Variants in LRP6 observed in about 807,000 individuals in gnomAD.
LRP6 encodes LDL receptor related protein 6.
LRP6 carries 43 observed loss-of-function variants against 184.1 expected under a neutral mutation model. The observed-to-expected ratio is 0.23, with a 90% CI of 0.18 to 0.30. The LOEUF (loss-of-function observed/expected upper bound fraction) is 0.30. Among genes scored for constraint, LRP6 ranks in the 10% least tolerant of loss-of-function variants. The pLI, the probability that LRP6 is intolerant of heterozygous loss-of-function variation, is 1.00. For missense variants in LRP6, 1,571 were observed against 2,005.3 expected (o/e 0.78, Z 4.14); for synonymous variants, 719 against 684.9 (o/e 1.05, Z -0.78).
chr12:12,146,555 A>G (rs1184851294), intron 15 of LRP6, among the ~76,000 whole-genome samples: 1 of 152,256 alleles, frequency 6.6e-6, no homozygotes, highest in Non-Finnish European at 1.5e-5. Flanking sequence ...CTTAAGACGA[A>G]CAAATAATTT....
At chr12:12,246,271 G>A (rs946966921) in intron 1 of LRP6, among the ~76,000 whole-genome samples, 9 of 151,948 alleles carry the variant, frequency 5.9e-5, no homozygotes, top group African/African-American at 1.9e-4. Context: ...CTCCCAAAGT[G>A]CTTGGGATTA....
At chr12:12,140,046 A>G (rs183872400) in intron 15 of LRP6, among the ~76,000 whole-genome samples, 4 of 152,314 alleles carry the variant, frequency 2.6e-5, no homozygotes, top group Admixed American at 2.6e-4. Context: ...TGTTCTCAGT[A>G]TTTTTAAGCC....
chr12:12,164,733 T>C (rs898404902), intron 8 of LRP6, among the ~76,000 whole-genome samples, 171 bp from the exon 9 acceptor site: 3 of 151,940 alleles, frequency 2.0e-5, no homozygotes, highest in African/African-American at 4.8e-5. Context: ...TGCAGATTAA[T>C]AGGGAGTAAA....
chr12:12,121,560 G>C lies in LRP6; in HGVS notation c.4548-140C>G. On this transcript the variant is annotated intron_variant, in intron 22 of 22. Transcript: ENST00000261349. The stretch of plus-strand genomic sequence containing the variant: ...AATTTAAATTTACACAGACCAAGAG[G>C]CAATTTTCAATGGCAGATTCGCTGA... 3.9e-6 allele frequency: 3 copies of C among 769,682 alleles called. No homozygotes were observed. The Admixed American group carries it at 7.8e-5, about 20-fold the overall frequency. The allele number at this position is 769,682 out of a possible 1,614,324, so 47.7% of individuals were successfully genotyped here. A position where few individuals can be genotyped will look rare whatever the true frequency, so the allele number is the denominator to read the frequency against.
rs1229618237 is a variant in LRP6, at chr12:12,147,472, A to G, written c.3291T>C (p.Phe1097=). The G allele has an allele frequency of 6.2e-7, 1 of 1,613,958 alleles. No homozygotes were observed. The highest frequency in any genetic ancestry group is 8.5e-7 in the Non-Finnish European group (1 of 1,180,018). The change falls in exon 15 of 23, where the codon TTT becomes TTC. Residue 1097 remains phenylalanine (F), a synonymous_variant. Coordinates refer to ENST00000261349, the MANE Select transcript of LRP6 (RefSeq NM_002336.3). ...ALDGTEREVL[F]FSGLSKPIAL... ...CAATTGGTTTACTTAAGCCACTGAAAAAGAGGACCTCCCGTTCTGTCCCAT... is the reference window on the plus strand; with the variant it reads ...CAATTGGTTTACTTAAGCCACTGAAGAAGAGGACCTCCCGTTCTGTCCCAT...
intron 12 of LRP6, among the ~76,000 whole-genome samples, chr12:12,156,349 C>G (rs1233988937): frequency 6.6e-6 from 1 of 152,078 alleles, no homozygotes; most frequent in Non-Finnish European, 1.5e-5. Flanking sequence ...CTGAAACCAG[C>G]AACGAGGCCA....
At chr12:12,223,675 A>T (rs1464661181) in intron 2 of LRP6, among the ~76,000 whole-genome samples, 1 of 152,214 alleles carries the variant, frequency 6.6e-6, no homozygotes, top group African/African-American at 2.4e-5. Context: ...TAATGGGTAT[A>T]AATTCCAAGG....
chr12:12,176,843 C>CTT (rs71435897), intron 7 of LRP6, among the ~76,000 whole-genome samples: 9 of 103,104 alleles, frequency 8.7e-5, no homozygotes, highest in East Asian at 2.8e-4. Context: ...TGAGCCCAAA[C>CTT]TTTTTTTTTT....
At position 12,267,013 on chromosome 12, in the gene LRP6, A is replaced by T; in HGVS notation, c.-278T>A. 2 of 492,676 alleles carry T rather than the reference A, an allele frequency of 4.1e-6. No homozygotes were observed. The highest frequency in any genetic ancestry group is 2.5e-5 in the South Asian group (1 of 39,392). 30.5% of individuals were successfully genotyped at this position (492,676 alleles called of 1,614,324 possible). Reference sequence around the variant, plus strand: ...GCTTCCCCCGCGCAGCTCCTCATTCAGCCTCTGCCTCGCGCAGCGGCGCAG... The same window carrying T: ...GCTTCCCCCGCGCAGCTCCTCATTCTGCCTCTGCCTCGCGCAGCGGCGCAG... On this transcript the variant is annotated 5_prime_UTR_variant, in exon 1 of 23. Coordinates refer to ENST00000261349, the MANE Select transcript of LRP6 (RefSeq NM_002336.3).
At chr12:12,214,100 G>T (rs2137065956) in intron 2 of LRP6, among the ~76,000 whole-genome samples, 1 of 152,030 alleles carries the variant, frequency 6.6e-6, no homozygotes, top group South Asian at 2.1e-4. Flanking sequence ...TAAACTCCCT[G>T]CTAATACCTA....
chr12:12,157,268 A>T (rs759618533), intron 12 of LRP6, among the ~76,000 whole-genome samples: 6 of 151,892 alleles, frequency 4.0e-5, no homozygotes, highest in Non-Finnish European at 8.8e-5. Flanking sequence ...ACTCATTAAC[A>T]ACTTCTGCTT....
At chr12:12,127,542 A>T (rs111306530) in intron 19 of LRP6, among the ~76,000 whole-genome samples, 2 of 152,188 alleles carry the variant, frequency 1.3e-5, no homozygotes, top group Non-Finnish European at 2.9e-5. Flanking sequence ...AAGGAACATA[A>T]GGTCTTTAAT....
At position 12,243,341 on chromosome 12, in the gene LRP6, GTTAT is replaced by G. The variant is rs138879136; in HGVS notation, c.449+917_449+920del. ...TATATGTTTAGCTAACTAGAAATGA[GTTAT>G]TTAATAATTTTTATTTTTCATTCAA... is the stretch of plus-strand genomic sequence containing the variant. On this transcript the variant is annotated intron_variant, in intron 2 of 22. Coordinates refer to ENST00000261349, the MANE Select transcript of LRP6 (RefSeq NM_002336.3). 9.0e-3 allele frequency among the ~76,000 whole-genome samples: 1,374 copies of G among 152,182 alleles called. 17 individuals are homozygous for G. The highest frequency in any genetic ancestry group is 0.031 in the African/African-American group (1,301 of 41,512).
chr12:12,164,443 T>C lies in LRP6; in HGVS notation c.1882A>G (p.Ile628Val). The change falls in exon 9 of 23, where the codon ATT becomes GTT. Residue 628 changes from isoleucine (I) to valine (V), a missense_variant. Physicochemically the swap from Ile to Val is conservative, Grantham distance 29. Coordinates refer to ENST00000261349, the MANE Select transcript of LRP6 (RefSeq NM_002336.3). ...AACAAAAGGAAAGCCTCTGGGACAA[T>C]GCAGGTCTTCATGTCACTGATGAGT... ...FELISDMKTC[I>V]VPEAFLLFSR... The C allele has an allele frequency of 6.2e-7, 1 of 1,614,162 alleles. No individual in the cohort carries two copies.
At chr12:12,228,358 C>T (rs755474527) in intron 2 of LRP6, among the ~76,000 whole-genome samples, 5 of 151,340 alleles carry the variant, frequency 3.3e-5, no homozygotes, top group African/African-American at 4.9e-5. Context: ...AGCGAGGCTC[C>T]ATCTCAAAAA....
chr12:12,135,215 G>A lies in LRP6; in HGVS notation c.3693C>T (p.Pro1231=), dbSNP rs750847082. 25 of 1,613,598 alleles carry A rather than the reference G, an allele frequency of 1.5e-5. No homozygotes were observed. The highest frequency in any genetic ancestry group is 1.9e-5 in the Non-Finnish European group (22 of 1,179,736). The change falls in exon 17 of 23, where the codon CCC becomes CCT. Residue 1231 remains proline, a synonymous_variant. Transcript: ENST00000261349. ...KGDGTTRCSC[P]MHLVLLQDEL... is the part of the protein sequence containing the mutation. The stretch of plus-strand genomic sequence containing the variant: ...CATCTTGAAGTAGAACCAGGTGCAT[G>A]GGGCAAGAACACCTTGTAGTACCAT...
At chr12:12,211,511 G>C (rs1184989605) in intron 2 of LRP6, among the ~76,000 whole-genome samples, 1 of 152,134 alleles carries the variant, frequency 6.6e-6, no homozygotes, top group Non-Finnish European at 1.5e-5. Flanking sequence ...GTTCAAATAC[G>C]GACGAACTGA....
intron 15 of LRP6, among the ~76,000 whole-genome samples, chr12:12,142,297 G>A (rs1299466937): frequency 6.6e-6 from 1 of 152,128 alleles, no homozygotes; most frequent in East Asian, 1.9e-4. Flanking sequence ...ATGGTCTGAG[G>A]TAGACAACTG....
At chr12:12,220,225 T>C (rs1295420610) in intron 2 of LRP6, among the ~76,000 whole-genome samples, 1 of 151,554 alleles carries the variant, frequency 6.6e-6, no homozygotes, top group Non-Finnish European at 1.5e-5. Context: ...GAAGCAGAGG[T>C]TGCAGTGAGC....
Sources: gnomAD v4.1 joint callset for allele counts (sites outside exome capture counted in the v4.1 genomes callset) on GRCh38, gnomAD v4.1.1 for gene constraint, MANE v1.5 for transcripts, NCBI Gene and HGNC (gene_info 2026-07-23, HGNC 2026-07-21) for gene names.